Variants in GRIN2A observed in about 807,000 individuals in gnomAD.
GRIN2A encodes the protein glutamate receptor ionotropic, NMDA 2A.
A neutral mutation model predicts 113.4 loss-of-function variants in GRIN2A; 22 were observed. The ratio of observed to expected loss-of-function variants is 0.19; its 90% confidence interval spans 0.14 to 0.28. The LOEUF (loss-of-function observed/expected upper bound fraction) is 0.28. Ranked by LOEUF, GRIN2A falls within the 10% of genes least tolerant of loss-of-function variation. GRIN2A has a pLI of 1.00. For synonymous variants in GRIN2A, 827 were observed against 738.4 expected (o/e 1.12, Z -1.94); for missense variants, 1,502 against 1,887.0 (o/e 0.80, Z 3.78).
chr16:10,034,629 A>C (rs1022676855), intron 2 of GRIN2A, among the ~76,000 whole-genome samples: 4 of 150,526 alleles, frequency 2.7e-5, no homozygotes, highest in African/African-American at 9.8e-5. Flanking sequence ...ATGAATGATT[A>C]AGGTCAAGAG....
At position 9,757,374 on chromosome 16, in the gene GRIN2A, A is replaced by G. The variant is rs9933772; in HGVS notation, c.*5775T>C. 1.4e-5 allele frequency: 3 copies of G among 214,472 alleles called. No homozygotes were observed. Among genetic ancestry groups the G allele is most frequent in the Non-Finnish European group, 2.8e-5 (3 of 107,584 alleles). The allele number at this position is 214,472 out of a possible 1,614,324, so 13.3% of individuals were successfully genotyped here. On this transcript the variant is annotated 3_prime_UTR_variant, in exon 13 of 13. Transcript: ENST00000330684. ...AGGGAAGGACTTTTTTTTTTTTTTT[A>G]AAAAAGGTATGCTCATAGAATCAGA...
chr16:10,020,736 C>T (rs2046704712), intron 2 of GRIN2A, among the ~76,000 whole-genome samples: 1 of 152,170 alleles, frequency 6.6e-6, no homozygotes, highest in African/African-American at 2.4e-5. Flanking sequence ...ACATATAAAG[C>T]ACCAAGCATA....
chr16:9,966,334 C>T (rs137928679), intron 2 of GRIN2A, among the ~76,000 whole-genome samples: 26 of 152,246 alleles, frequency 1.7e-4, no homozygotes, highest in Non-Finnish European at 2.6e-4. Flanking sequence ...GTGTTCTCAT[C>T]ATTTAGCTCC....
In GRIN2A at chr16:10,000,302, C is replaced by T. The variant is rs79351500; in HGVS notation, c.415-61751G>A. On this transcript the variant is annotated intron_variant, in intron 2 of 12. Transcript: ENST00000330684. ...TCTCGTACCACATGTGAAGAACATG[C>T]ATGTGTTAACCACTGCGGCTATTTC... Among the ~76,000 whole-genome samples, 551 of 152,262 alleles carry T rather than the reference C, an allele frequency of 3.6e-3. 3 individuals carry two copies. The highest frequency in any genetic ancestry group is 0.013 in the African/African-American group (528 of 41,540).
Position 9,938,353 on chromosome 16 carries a change from T to A in GRIN2A, c.613A>T (p.Thr205Ser). Residue 205 changes from threonine to serine, a missense_variant, in exon 3 of 13, where the codon ACA becomes TCA. By Grantham distance (58) the Thr-to-Ser change is moderately conservative. This residue lies in a region of GRIN2A where 334 missense variants were observed against 403.0 expected (regional missense o/e 0.83). Coordinates refer to ENST00000330684, the MANE Select transcript of GRIN2A (RefSeq NM_001134407.3). Reference protein sequence around the residue: ...FVGWDMQNVITLDTSFEDAKT... With the variant: ...FVGWDMQNVISLDTSFEDAKT... ...GCATCCTCAAAGGAAGTGTCCAGTG[T>A]GATCACATTCTGCATGTCCCAGCCC... The A allele has an allele frequency of 6.2e-7, 1 of 1,614,178 alleles. No individual in the cohort carries two copies. Among genetic ancestry groups the A allele is most frequent in the African/African-American group, 1.3e-5 (1 of 75,060 alleles).
intron 2 of GRIN2A, among the ~76,000 whole-genome samples, chr16:9,992,754 C>T (rs2046143312): frequency 6.6e-6 from 1 of 152,134 alleles, no homozygotes; most frequent in Admixed American, 6.5e-5. Context: ...GAAGTGTGGA[C>T]AGTGGACAAA....
chr16:10,182,120 AG>A lies in GRIN2A; in HGVS notation c.-263del, dbSNP rs2050284148. The A allele has an allele frequency of 6.5e-6, 1 of 152,698 alleles. No individual in the cohort carries two copies. The highest frequency in any genetic ancestry group is 2.4e-5 in the African/African-American group (1 of 41,412). 9.5% of individuals were successfully genotyped at this position (152,698 alleles called of 1,614,324 possible). On this transcript the variant is annotated 5_prime_UTR_variant, in exon 1 of 13. Coordinates refer to ENST00000330684, the MANE Select transcript of GRIN2A (RefSeq NM_001134407.3). Reference sequence around the variant, plus strand: ...GCAGGGTCAGCCCACCAACGAGGGGAGGGAGGGTTGAGGGGAAGGCTGCAGT... The same window carrying A: ...GCAGGGTCAGCCCACCAACGAGGGGAGGAGGGTTGAGGGGAAGGCTGCAGT...
intron 2 of GRIN2A, among the ~76,000 whole-genome samples, chr16:10,016,366 G>A (rs1225819117): frequency 6.6e-6 from 1 of 151,410 alleles, no homozygotes; most frequent in Non-Finnish European, 1.5e-5. Context: ...CAAACAAGAT[G>A]GGGTCAGATC....
chr16:9,857,091 G>C (rs1261512120), intron 4 of GRIN2A, among the ~76,000 whole-genome samples: 2 of 152,036 alleles, frequency 1.3e-5, no homozygotes, highest in Non-Finnish European at 2.9e-5. Context: ...TCCAATGTAG[G>C]GGTATTCTAG....
intron 2 of GRIN2A, among the ~76,000 whole-genome samples, chr16:10,151,103 A>G (rs1454488811): frequency 2.0e-5 from 3 of 152,230 alleles, no homozygotes; most frequent in African/African-American, 4.8e-5. Context: ...CACTACTGCC[A>G]TCAATGCCCT....
rs769971551 is a variant in GRIN2A at position 10,180,245 on chromosome 16, C to A, written c.167G>T (p.Gly56Val). Residue 56 changes from glycine (G) to valine (V), a missense_variant, in exon 2 of 13, where the codon GGC (glycine) becomes GTC (valine). Coordinates refer to ENST00000330684, the MANE Select transcript of GRIN2A (RefSeq NM_001134407.3). The surrounding 1 kb of genome is among the most constrained non-coding windows in gnomAD (Gnocchi z 7.0). ...GGGCAGCCCCGCCGCCTGCTCGGGG[C>A]CCCACAGTGTTCGAAGTTCGCGCTC... ...VTERELRTLW[G>V]PEQAAGLPLD... 2.5e-6 allele frequency: 4 copies of A among 1,613,874 alleles called. No individual in the cohort carries two copies. The highest frequency in any genetic ancestry group is 3.4e-6 in the Non-Finnish European group (4 of 1,180,030).
intron 3 of GRIN2A, among the ~76,000 whole-genome samples, chr16:9,924,121 A>AC (rs2044409349): frequency 6.6e-6 from 1 of 150,766 alleles, no homozygotes; most frequent in African/African-American, 2.4e-5. Context: ...AAAAAAAAAA[A>AC]AAAAAAAAAA....
At chr16:10,032,205 T>A (rs117197225) in intron 2 of GRIN2A, among the ~76,000 whole-genome samples, 2 of 152,214 alleles carry the variant, frequency 1.3e-5, no homozygotes, top group African/African-American at 4.8e-5. Context: ...AACAAATAAC[T>A]AAAGAGCTGT....
At chr16:9,974,098 G>A (rs1203420467) in intron 2 of GRIN2A, among the ~76,000 whole-genome samples, 1 of 152,154 alleles carries the variant, frequency 6.6e-6, no homozygotes, top group African/African-American at 2.4e-5. Context: ...GCCTCTTAGG[G>A]TATTAATGTA....
At chr16:10,102,241 G>C (rs1332757055) in intron 2 of GRIN2A, among the ~76,000 whole-genome samples, 1 of 152,254 alleles carries the variant, frequency 6.6e-6, no homozygotes, top group African/African-American at 2.4e-5. Flanking sequence ...GATCCCTCAT[G>C]AACAGCCTAG....
chr16:10,006,550 A>G (rs2046407554), intron 2 of GRIN2A, among the ~76,000 whole-genome samples: 1 of 152,188 alleles, frequency 6.6e-6, no homozygotes, highest in Admixed American at 6.5e-5. Context: ...ATATTTTGGT[A>G]CAGGCATTTA....
chr16:9,947,879 G>A (rs1443529653), intron 2 of GRIN2A, among the ~76,000 whole-genome samples: 1 of 151,984 alleles, frequency 6.6e-6, no homozygotes, highest in African/African-American at 2.4e-5. Flanking sequence ...CATACCGAGA[G>A]CTCCATTAAT....
At chr16:10,080,259 T>G (rs1250668464) in intron 2 of GRIN2A, among the ~76,000 whole-genome samples, 1 of 152,190 alleles carries the variant, frequency 6.6e-6, no homozygotes, top group African/African-American at 2.4e-5. Flanking sequence ...ATTTGTTGAA[T>G]GAGCAAATAA....
At chr16:10,046,145 C>T (rs1300738779) in intron 2 of GRIN2A, among the ~76,000 whole-genome samples, 2 of 152,072 alleles carry the variant, frequency 1.3e-5, no homozygotes, top group Non-Finnish European at 2.9e-5. Context: ...AGCACGTGAT[C>T]CAGTTCTGAC....
Sources: allele counts gnomAD v4.1 joint callset (sites outside exome capture counted in the v4.1 genomes callset), GRCh38; gene constraint gnomAD v4.1.1; regional missense constraint gnomAD v4.1.1; non-coding constraint Gnocchi (gnomAD v3.1); transcripts MANE v1.5; gene names NCBI Gene and HGNC (gene_info 2026-07-23, HGNC 2026-07-21).